Variants in S100A2 observed in about 807,000 individuals in gnomAD.
S100A2 encodes S100 calcium binding protein A2.
Under a neutral mutation model 4.3 loss-of-function variants are expected in S100A2, and 5 were observed. That is an observed-to-expected ratio of 1.16 (90% confidence interval 0.61 to 2.44). The LOEUF is 2.44. Ranked by LOEUF, S100A2 falls within the 30% of genes most tolerant of loss-of-function variation. The pLI, the probability that S100A2 is intolerant of heterozygous loss-of-function variation, is 0.01. For missense variants in S100A2, 103 were observed against 114.7 expected (o/e 0.90, Z 0.47); for synonymous variants, 44 against 46.0 (o/e 0.96, Z 0.17).
At chr1:153,565,470 TC>T in intron 1 of S100A2, 35 bp downstream of exon 1, 1 of 152,574 alleles carries the variant, frequency 6.6e-6, no homozygotes, top group Non-Finnish European at 1.5e-5. Flanking sequence ...ACGGGGATCC[TC>T]CCCACCCTGC....
chr1:153,563,983 T>G, intron 1 of S100A2, 96 bp from the exon 2 acceptor site: 1 of 1,262,818 alleles, frequency 7.9e-7, no homozygotes, highest in East Asian at 2.5e-5. Flanking sequence ...CCAAGCCACC[T>G]CACAAAACCC....
At chr1:153,562,550 A>G (rs1665916118) in intron 2 of S100A2, among the ~76,000 whole-genome samples, 1 of 152,236 alleles carries the variant, frequency 6.6e-6, no homozygotes, top group African/African-American at 2.4e-5. Context: ...TCAAAGCCTG[A>G]CACCTAACTT....
chr1:153,561,400 G>A lies in S100A2; in HGVS notation c.*39C>T, dbSNP rs747661128. The A allele has an allele frequency of 5.0e-6, 8 of 1,601,166 alleles. No individual in the cohort carries two copies. The highest frequency in any genetic ancestry group is 6.8e-6 in the Non-Finnish European group (8 of 1,170,910). On this transcript the variant is annotated 3_prime_UTR_variant, in exon 3 of 3. Transcript: ENST00000368708. ...AAACTCAAAGGCATCAACAGTCCTGGGCCCAAGAGATCCATGGCAGGAAGT... is the reference window on the plus strand; with the variant it reads ...AAACTCAAAGGCATCAACAGTCCTGAGCCCAAGAGATCCATGGCAGGAAGT...
intron 1 of S100A2, among the ~76,000 whole-genome samples, chr1:153,564,747 C>G (rs903542584): frequency 6.8e-6 from 1 of 146,040 alleles, no homozygotes; most frequent in African/African-American, 2.5e-5. Flanking sequence ...CCAGCCCTGC[C>G]TTCACCGAGG....
chr1:153,562,969 CA>C (rs35473116), intron 2 of S100A2, among the ~76,000 whole-genome samples: 5,175 of 94,510 alleles, frequency 0.055, 307 homozygotes, highest in African/African-American at 0.2. Context: ...CCCCCCACCA[CA>C]AAAAAAAAAA....
intron 2 of S100A2, among the ~76,000 whole-genome samples, chr1:153,562,969 C>CAAAA (rs35473116): frequency 1.4e-4 from 13 of 94,486 alleles, no homozygotes; most frequent in Admixed American, 2.3e-4. Flanking sequence ...CCCCCCACCA[C>CAAAA]AAAAAAAAAA....
intron 1 of S100A2, 178 bp from the exon 2 acceptor site, chr1:153,564,065 T>A: frequency 1.7e-6 from 1 of 597,286 alleles, no homozygotes; most frequent in Non-Finnish European, 2.8e-6. Flanking sequence ...AGGCGATACC[T>A]CCATCTCACC....
Position 153,563,475 on chromosome 1 carries a change from C to T in S100A2, c.144+259G>A. The T allele has an allele frequency of 2.6e-6, 4 of 1,550,570 alleles. No homozygotes were observed. The South Asian group carries it at 3.6e-5, about 14-fold the overall frequency. ...TTCTGGGCTCTGGTTTCTCAAGTCT[C>T]CAATGACAGGATTAAACAGATGGAC... is the stretch of plus-strand genomic sequence containing the variant. On this transcript the variant is annotated intron_variant, in intron 2 of 2. Transcript: ENST00000368708.
At chr1:153,564,564 GT>G (rs1210689505) in intron 1 of S100A2, among the ~76,000 whole-genome samples, 1 of 152,156 alleles carries the variant, frequency 6.6e-6, no homozygotes, top group Admixed American at 6.5e-5. Flanking sequence ...GAAGGATCCT[GT>G]TGGAATTAGA....
At position 153,564,810 on chromosome 1, in the gene S100A2, C is replaced by A. The variant is rs553132588; in HGVS notation, c.-11+696G>T. ...CCATGACCCAGGCAGAGTCTTGAGA[C>A]CCCTGCCTCTTGCACCTTAGTCCTG... is the stretch of plus-strand genomic sequence containing the variant. On this transcript the variant is annotated intron_variant, in intron 1 of 2. Transcript: ENST00000368708. Among the ~76,000 whole-genome samples, 12 of 128,038 alleles carry A rather than the reference C, an allele frequency of 9.4e-5. No individual in the cohort carries two copies. In the East Asian group the frequency reaches 3.1e-3, roughly 33 times the overall value. The allele number at this position is 128,038 out of a possible 152,430, so 84.0% of individuals were successfully genotyped here. A position where few individuals can be genotyped will look rare whatever the true frequency, so the allele number is the denominator to read the frequency against.
chr1:153,563,040 G>A (rs566017662), intron 2 of S100A2, among the ~76,000 whole-genome samples: 14 of 150,522 alleles, frequency 9.3e-5, no homozygotes, highest in East Asian at 7.8e-4. Flanking sequence ...TTCAGAGGCC[G>A]AGGAGGGCAG....
At position 153,561,555 on chromosome 1, in the gene S100A2, C is replaced by T; in HGVS notation, c.181G>A (p.Gly61Ser). The T allele has an allele frequency of 1.2e-6, 2 of 1,614,116 alleles. No individual in the cohort carries two copies. The highest frequency in any genetic ancestry group is 1.3e-5 in the African/African-American group (1 of 75,018). ...TGGTCACTGTTCTCATCCAGGCTGCCCATCAGCTTCTTCAGCCCCTCCTCA... is the reference window on the plus strand; with the variant it reads ...TGGTCACTGTTCTCATCCAGGCTGCTCATCAGCTTCTTCAGCCCCTCCTCA... ...VDEEGLKKLM[G>S]SLDENSDQQV... Residue 61 changes from glycine (G) to serine (S), a missense_variant, in exon 3 of 3, where the codon GGC becomes AGC. Physicochemically the swap from Gly to Ser is moderately conservative, Grantham distance 56. Transcript: ENST00000368708.
chr1:153,563,557 T>C, intron 2 of S100A2, 177 bp downstream of exon 2: 1 of 1,551,658 alleles, frequency 6.4e-7, no homozygotes, highest in Non-Finnish European at 8.7e-7. Flanking sequence ...CAGCCATTAA[T>C]TAAGCACTCC....
chr1:153,562,947 G>A (rs950256264), intron 2 of S100A2, among the ~76,000 whole-genome samples: 13 of 144,284 alleles, frequency 9.0e-5, no homozygotes, highest in Non-Finnish European at 1.8e-4. Flanking sequence ...GGGTGACAGA[G>A]TGAGATCTTG....
chr1:153,563,334 T>C, intron 2 of S100A2: 2 of 1,414,880 alleles, frequency 1.4e-6, no homozygotes, highest in Non-Finnish European at 1.9e-6. Flanking sequence ...ATCGTGCCAT[T>C]GCACTCCAGC....
intron 2 of S100A2, chr1:153,563,382 A>G (rs1402702598): frequency 2.7e-5 from 41 of 1,526,860 alleles, no homozygotes; most frequent in Admixed American, 1.1e-4. Flanking sequence ...CAAAAAAAAA[A>G]AAAAGAAAAG....
intron 1 of S100A2, 86 bp from the exon 2 acceptor site, chr1:153,563,973 C>G (rs1206103460): frequency 2.9e-6 from 4 of 1,368,514 alleles, no homozygotes; most frequent in Non-Finnish European, 4.0e-6. Flanking sequence ...CCCTATGCCC[C>G]CAAGCCACCT....
At chr1:153,563,172 G>A (rs1665932580) in intron 2 of S100A2, among the ~76,000 whole-genome samples, 1 of 151,986 alleles carries the variant, frequency 6.6e-6, no homozygotes, top group South Asian at 2.1e-4. Context: ...AGGAGTTCGA[G>A]ACCAGCCTGG....
chr1:153,565,563 G>T lies in S100A2; in HGVS notation c.-68C>A, dbSNP rs61038462. 0.026 allele frequency: 4,019 copies of T among 153,030 alleles called. 178 individuals are homozygous for T. The highest frequency in any genetic ancestry group is 0.093 in the African/African-American group (3,845 of 41,564). The allele number at this position is 153,030 out of a possible 1,614,324, so 9.5% of individuals were successfully genotyped here. ...AGAGCAAGGCAGCCAGGCTCCCAGG[G>T]TGAGGATTTATATGTGGGCCCCACT... On this transcript the variant is annotated 5_prime_UTR_variant, in exon 1 of 3. Coordinates refer to ENST00000368708, the MANE Select transcript of S100A2 (RefSeq NM_005978.4).
Sources: allele counts gnomAD v4.1 joint callset (sites outside exome capture counted in the v4.1 genomes callset), GRCh38; gene constraint gnomAD v4.1.1; transcripts MANE v1.5; gene names NCBI Gene and HGNC (gene_info 2026-07-23, HGNC 2026-07-21).